Variants in SIPA1L3 observed in about 807,000 individuals in gnomAD.
SIPA1L3 encodes the protein signal-induced proliferation-associated 1-like protein 3.
Under a neutral mutation model 150.1 loss-of-function variants are expected in SIPA1L3, and 59 were observed. The observed-to-expected ratio is 0.39, with a 90% confidence interval of 0.32 to 0.49. The LOEUF (loss-of-function observed/expected upper bound fraction) is 0.49. SIPA1L3 is among the 20% of genes least tolerant of loss of function. The pLI, the probability that SIPA1L3 is intolerant of heterozygous loss-of-function variation, is 0.86. For synonymous variants in SIPA1L3, 1,070 were observed against 1,077.6 expected (o/e 0.99, Z 0.14); for missense variants, 2,211 against 2,489.5 (o/e 0.89, Z 2.38).
At chr19:38,096,491 C>T (rs1019821531) in intron 4 of SIPA1L3, among the ~76,000 whole-genome samples, 7 of 152,134 alleles carry the variant, frequency 4.6e-5, no homozygotes, top group African/African-American at 1.7e-4. Context: ...TAAAGTGATC[C>T]GCCCACCTCG....
chr19:37,988,273 C>T (rs1967413239), intron 1 of SIPA1L3, among the ~76,000 whole-genome samples: 1 of 152,218 alleles, frequency 6.6e-6, no homozygotes, highest in Non-Finnish European at 1.5e-5. Context: ...AATCCCAACA[C>T]TTTGGGAGGC....
intron 1 of SIPA1L3, among the ~76,000 whole-genome samples, chr19:37,986,994 C>T (rs1182564808): frequency 1.3e-5 from 2 of 152,110 alleles, no homozygotes; most frequent in Non-Finnish European, 2.9e-5. Flanking sequence ...GTGGTGCGAT[C>T]TCGGCTCACT....
At chr19:38,034,323 C>T (rs1029080064) in intron 2 of SIPA1L3, among the ~76,000 whole-genome samples, 10 of 152,192 alleles carry the variant, frequency 6.6e-5, no homozygotes, top group African/African-American at 2.4e-4. Flanking sequence ...AAGCGCCTCA[C>T]GTGCATGATC....
intron 1 of SIPA1L3, among the ~76,000 whole-genome samples, chr19:38,004,356 A>C (rs1407461485): frequency 6.6e-6 from 1 of 152,234 alleles, no homozygotes; most frequent in Admixed American, 6.5e-5. Context: ...CAAGTAACAA[A>C]AACACCAACT....
chr19:38,136,988 T>C (rs1417435637), intron 10 of SIPA1L3, among the ~76,000 whole-genome samples: 1 of 152,194 alleles, frequency 6.6e-6, no homozygotes, highest in Admixed American at 6.5e-5. Flanking sequence ...TGTTAAGCAG[T>C]TGTCATGTGC....
At chr19:38,140,102 T>C (rs1971538315) in intron 10 of SIPA1L3, among the ~76,000 whole-genome samples, 1 of 147,544 alleles carries the variant, frequency 6.8e-6, no homozygotes, top group Non-Finnish European at 1.5e-5. Flanking sequence ...TGGGTGGCCA[T>C]GAACGGGGTG....
chr19:38,000,900 A>ATGT (rs1555775632), intron 1 of SIPA1L3, among the ~76,000 whole-genome samples: 2 of 131,408 alleles, frequency 1.5e-5, no homozygotes, highest in East Asian at 4.5e-4. Context: ...TATGTTATAT[A>ATGT]TATATATATA....
intron 1 of SIPA1L3, among the ~76,000 whole-genome samples, chr19:37,983,645 C>T (rs1967257567): frequency 6.6e-6 from 1 of 152,114 alleles, no homozygotes; most frequent in Non-Finnish European, 1.5e-5. Context: ...TGGCTCACAC[C>T]TGTAATCCCA....
At chr19:38,162,215 C>T in intron 13 of SIPA1L3, 38 bp from the exon 14 acceptor site, 1 of 1,542,736 alleles carries the variant, frequency 6.5e-7, no homozygotes, top group Non-Finnish European at 9.0e-7. Flanking sequence ...TGGCCTGAGT[C>T]ACTCCTAACC....
chr19:38,057,283 T>C (rs1440145096), intron 2 of SIPA1L3, among the ~76,000 whole-genome samples: 1 of 145,186 alleles, frequency 6.9e-6, no homozygotes, highest in Admixed American at 6.8e-5. Flanking sequence ...CAAATATATA[T>C]ATATATGTAT....
intron 4 of SIPA1L3, among the ~76,000 whole-genome samples, chr19:38,098,362 A>G (rs386474646): frequency 1.3e-5 from 2 of 151,662 alleles, no homozygotes; most frequent in Non-Finnish European, 2.9e-5. Flanking sequence ...CCCATCACAC[A>G]AAGAAGTGGG....
At position 38,081,392 on chromosome 19, in the gene SIPA1L3, C is replaced by T; in HGVS notation, c.-174C>T. On this transcript the variant is annotated 5_prime_UTR_variant, in exon 3 of 22. Coordinates refer to ENST00000222345, the MANE Select transcript of SIPA1L3 (RefSeq NM_015073.3). ...CTGAGGTTGTCCTGGCTCAGCTGTG[C>T]ACAGCGATGGTGGAGAACTGGACTC... 6.4e-6 allele frequency: 4 copies of T among 628,736 alleles called. No individual in the cohort carries two copies. The South Asian group carries it at 8.5e-5, about 13-fold the overall frequency. 38.9% of individuals were successfully genotyped at this position (628,736 alleles called of 1,614,324 possible). A position where few individuals can be genotyped will look rare whatever the true frequency, so the allele number is the denominator to read the frequency against.
chr19:37,943,181 T>C (rs771064344), intron 1 of SIPA1L3, among the ~76,000 whole-genome samples: 1 of 152,024 alleles, frequency 6.6e-6, no homozygotes, highest in Non-Finnish European at 1.5e-5. Flanking sequence ...GGCCAAGAGC[T>C]GAGGTTTTCT....
rs1969072339 is a variant in SIPA1L3, at chr19:38,046,874, C to G, written c.-311+17718C>G. 6.6e-6 allele frequency among the ~76,000 whole-genome samples: 1 copy of G among 152,180 alleles called. No homozygotes were observed. The highest frequency in any genetic ancestry group is 2.4e-5 in the African/African-American group (1 of 41,448). The stretch of plus-strand genomic sequence containing the variant: ...CAGGAGGGGGCTCTCTTTGAGAGCA[C>G]TTGGGTGTATCGTGTCTCAGAAAAC... On this transcript the variant is annotated intron_variant, in intron 2 of 21. Coordinates refer to ENST00000222345, the MANE Select transcript of SIPA1L3 (RefSeq NM_015073.3). This position sits in a 1 kb window ranked among gnomAD's most constrained non-coding sequence, Gnocchi z 5.6.
At chr19:37,920,088 C>T (rs1008479952) in intron 1 of SIPA1L3, among the ~76,000 whole-genome samples, 14 of 138,326 alleles carry the variant, frequency 1.0e-4, no homozygotes, top group Non-Finnish European at 4.7e-5. Flanking sequence ...GAGATAGGGT[C>T]TCACTCTATC....
At chr19:37,950,746 C>T (rs1010574409) in intron 1 of SIPA1L3, among the ~76,000 whole-genome samples, 5 of 152,354 alleles carry the variant, frequency 3.3e-5, no homozygotes, top group Middle Eastern at 3.4e-3. Context: ...AGGTCTGATC[C>T]GCCTGTCCCC....
At chr19:38,187,489 G>A (rs890741474) in intron 16 of SIPA1L3, among the ~76,000 whole-genome samples, 3 of 151,498 alleles carry the variant, frequency 2.0e-5, no homozygotes, top group African/African-American at 7.3e-5. Flanking sequence ...AGGCCGAGGC[G>A]GGTGGATCAC....
chr19:38,144,494 TAC>T (rs1465097233), intron 12 of SIPA1L3, among the ~76,000 whole-genome samples: 1 of 152,222 alleles, frequency 6.6e-6, no homozygotes. Flanking sequence ...CTTGTTAAAA[TAC>T]AGATTATTGG....
intron 2 of SIPA1L3, among the ~76,000 whole-genome samples, chr19:38,065,918 T>TC: frequency 1.4e-5 from 2 of 146,022 alleles, no homozygotes; most frequent in Non-Finnish European, 1.5e-5. Flanking sequence ...TATTTATCTA[T>TC]TTATTTATTT....
Sources: gnomAD v4.1 joint callset for allele counts (sites outside exome capture counted in the v4.1 genomes callset) on GRCh38, gnomAD v4.1.1 for gene constraint, Gnocchi (gnomAD v3.1) non-coding constraint, MANE v1.5 for transcripts, NCBI Gene and HGNC (gene_info 2026-07-23, HGNC 2026-07-21) for gene names.